TEX10: variants seen among roughly 807,000 people sequenced by gnomAD.
TEX10 encodes the protein testis-expressed protein 10.
In TEX10, 24 loss-of-function variants were observed where a neutral mutation model predicts 104.4. The ratio of observed to expected loss-of-function variants is 0.23; its 90% CI spans 0.17 to 0.32. The LOEUF (loss-of-function observed/expected upper bound fraction) is 0.32, where lower values mean the gene tolerates loss of function less well. TEX10 is among the 10% of genes least tolerant of loss of function. TEX10 has a pLI of 1.00. For missense variants in TEX10, 921 were observed against 1,083.9 expected (o/e 0.85, Z 2.11); for synonymous variants, 396 against 393.4 (o/e 1.01, Z -0.08).
Position 100,316,894 on chromosome 9 carries a change from T to TAAAA in TEX10, c.2202+3367_2202+3370dup, listed in dbSNP as rs35651841. 4.9e-4 allele frequency among the ~76,000 whole-genome samples: 26 copies of TAAAA among 53,420 alleles called. 1 individual carries two copies. The highest frequency in any genetic ancestry group is 1.1e-3 in the African/African-American group (14 of 12,682). 35.0% of individuals were successfully genotyped at this position (53,420 alleles called of 152,430 possible). A position where few individuals can be genotyped will look rare whatever the true frequency, so the allele number is the denominator to read the frequency against. ...AGAAGGCAATCCCACTTATAATAGC[T>TAAAA]AAAAAAAAAAAAAAAAAAAAAACCT... On this transcript the variant is annotated intron_variant, in intron 11 of 14. Transcript: ENST00000374902.
intron 9 of TEX10, among the ~76,000 whole-genome samples, chr9:100,324,184 C>T (rs1042471338): frequency 5.9e-5 from 9 of 152,140 alleles, no homozygotes; most frequent in Admixed American, 2.0e-4. Context: ...ATGCATGAGC[C>T]GCCATGCCCA....
At chr9:100,313,239 G>C (rs1834323431) in intron 11 of TEX10, among the ~76,000 whole-genome samples, 1 of 152,206 alleles carries the variant, frequency 6.6e-6, no homozygotes. Flanking sequence ...TAGTGGCCGG[G>C]CATGGTGGCT....
At position 100,346,573 on chromosome 9, in the gene TEX10, T is replaced by C. The variant is rs1835303725; in HGVS notation, c.893+121A>G. On this transcript the variant is annotated intron_variant, in intron 3 of 14. Transcript: ENST00000374902. Reference sequence around the variant, plus strand: ...CCCATCAGTAAATAAAATCAAATCATGAGTAACTATATGAAAACTATGAAA... The same window carrying C: ...CCCATCAGTAAATAAAATCAAATCACGAGTAACTATATGAAAACTATGAAA... 2.7e-6 allele frequency: 3 copies of C among 1,123,070 alleles called. No individual in the cohort carries two copies. In the East Asian group the frequency reaches 7.1e-5, roughly 27 times the overall value. 69.6% of individuals were successfully genotyped at this position (1,123,070 alleles called of 1,614,324 possible).
intron 5 of TEX10, among the ~76,000 whole-genome samples, chr9:100,334,647 T>C (rs368973249): frequency 6.7e-6 from 1 of 149,622 alleles, no homozygotes; most frequent in Non-Finnish European, 1.5e-5. Flanking sequence ...TTCCTGGAAC[T>C]GATAGGCTCA....
chr9:100,342,635 C>T (rs575877413), intron 4 of TEX10, among the ~76,000 whole-genome samples: 1 of 152,214 alleles, frequency 6.6e-6, no homozygotes, highest in Admixed American at 6.5e-5. Flanking sequence ...TAAAGTATGA[C>T]TGCATTAGTG....
At chr9:100,346,000 C>T in intron 4 of TEX10, 72 bp downstream of exon 4, 1 of 1,500,786 alleles carries the variant, frequency 6.7e-7, no homozygotes, top group East Asian at 2.3e-5. Flanking sequence ...TAGTAATGAG[C>T]TGATTTCGAA....
At chr9:100,321,068 G>A (rs1378695837) in intron 10 of TEX10, among the ~76,000 whole-genome samples, 2 of 152,168 alleles carry the variant, frequency 1.3e-5, no homozygotes, top group Non-Finnish European at 2.9e-5. Context: ...TGATAGCCAT[G>A]TCATAGTACT....
intron 5 of TEX10, among the ~76,000 whole-genome samples, chr9:100,335,599 G>A (rs1232407900): frequency 6.6e-6 from 1 of 151,934 alleles, no homozygotes; most frequent in East Asian, 1.9e-4. Context: ...AGTGTATGGT[G>A]GTAAAGAATA....
At chr9:100,316,526 A>G (rs1834421997) in intron 11 of TEX10, among the ~76,000 whole-genome samples, 1 of 152,210 alleles carries the variant, frequency 6.6e-6, no homozygotes, top group Admixed American at 6.5e-5. Flanking sequence ...CGTCCTAGCC[A>G]GAGCAATCAG....
intron 2 of TEX10, among the ~76,000 whole-genome samples, chr9:100,348,120 C>T (rs929747472): frequency 6.6e-6 from 1 of 152,208 alleles, no homozygotes; most frequent in Non-Finnish European, 1.5e-5. Context: ...AAGCTACATA[C>T]AACCTGGAGG....
intron 6 of TEX10, among the ~76,000 whole-genome samples, chr9:100,329,542 T>C (rs1162158976): frequency 6.6e-6 from 1 of 152,082 alleles, no homozygotes; most frequent in African/African-American, 2.4e-5. Context: ...GGGAACCAAA[T>C]AGGAAAACTT....
rs199510334 is a variant in TEX10 at position 100,347,450 on chromosome 9, G to A, written c.181-44C>T. Reference sequence around the variant, plus strand: ...ATTTTAGATGTATACTTATATACATGTATCAATTTCACGTAAACATGCTAA... The same window carrying A: ...ATTTTAGATGTATACTTATATACATATATCAATTTCACGTAAACATGCTAA... On this transcript the variant is annotated intron_variant, in intron 2 of 14. Coordinates refer to ENST00000374902, the MANE Select transcript of TEX10 (RefSeq NM_017746.4). 92 of 1,403,024 alleles carry A rather than the reference G, an allele frequency of 6.6e-5. No individual in the cohort carries two copies. In the East Asian group the frequency reaches 1.8e-3, roughly 27 times the overall value. The allele number at this position is 1,403,024 out of a possible 1,614,324, so 86.9% of individuals were successfully genotyped here.
At chr9:100,333,423 AT>A (rs1834921422) in intron 5 of TEX10, among the ~76,000 whole-genome samples, 1 of 152,186 alleles carries the variant, frequency 6.6e-6, no homozygotes, top group Non-Finnish European at 1.5e-5. Context: ...TCCAAATCAA[AT>A]TTCTAGCAAG....
At chr9:100,345,962 C>G (rs772387840) in intron 4 of TEX10, 110 bp downstream of exon 4, 233 of 1,281,024 alleles carry the variant, frequency 1.8e-4, no homozygotes, top group Non-Finnish European at 2.4e-4. Flanking sequence ...ACCCAGGGTA[C>G]TTTTCAGAAA....
rs528872798 is a variant in TEX10, at chr9:100,336,993, C to T, written c.1250+3264G>A. Among the ~76,000 whole-genome samples the T allele has an allele frequency of 8.1e-4, 124 of 152,258 alleles. 1 individual carries two copies. The highest frequency in any genetic ancestry group is 2.9e-3 in the African/African-American group (120 of 41,548). On this transcript the variant is annotated intron_variant, in intron 5 of 14. Coordinates refer to ENST00000374902, the MANE Select transcript of TEX10 (RefSeq NM_017746.4). Reference sequence around the variant, plus strand: ...CCTCCTCATAAAGTTAATTCCTTTTCTTTTTTCCCATTTATATCTCAGCAC... The same window carrying T: ...CCTCCTCATAAAGTTAATTCCTTTTTTTTTTTCCCATTTATATCTCAGCAC...
rs1834248305 is a variant in TEX10 at position 100,310,461 on chromosome 9, CAG to C, written c.2203-84_2203-83del. On this transcript the variant is annotated intron_variant, in intron 11 of 14. Coordinates refer to ENST00000374902, the MANE Select transcript of TEX10 (RefSeq NM_017746.4). ...GTTCAACAGATTCTTTTTTTTGAGA[CAG>C]AGTTTCACTCTGTCGCCCAGGCTGG... is the stretch of plus-strand genomic sequence containing the variant. The C allele has an allele frequency of 5.4e-6, 7 of 1,288,144 alleles. No individual in the cohort carries two copies. In the African/African-American group the frequency reaches 5.9e-5, roughly 11 times the overall value. The allele number at this position is 1,288,144 out of a possible 1,614,324, so 79.8% of individuals were successfully genotyped here.
chr9:100,332,616 T>A (rs1174212693), intron 5 of TEX10, among the ~76,000 whole-genome samples: 2 of 151,878 alleles, frequency 1.3e-5, no homozygotes, highest in Non-Finnish European at 2.9e-5. Context: ...GGTCAGGAGA[T>A]CGAGACCATC....
intron 5 of TEX10, among the ~76,000 whole-genome samples, chr9:100,335,254 G>A (rs1233033724): frequency 6.6e-6 from 1 of 152,126 alleles, no homozygotes; most frequent in Non-Finnish European, 1.5e-5. Context: ...CCAGGCTGGA[G>A]TGCAGTGGTG....
intron 11 of TEX10, among the ~76,000 whole-genome samples, chr9:100,314,612 A>G (rs1373380519): frequency 3.3e-5 from 5 of 151,950 alleles, no homozygotes; most frequent in African/African-American, 1.2e-4. Context: ...GATCTTCACT[A>G]TTCTTCCTTA....
Sources: gnomAD v4.1 joint callset for allele counts (sites outside exome capture counted in the v4.1 genomes callset) on GRCh38, gnomAD v4.1.1 for gene constraint, MANE v1.5 for transcripts, NCBI Gene and HGNC (gene_info 2026-07-23, HGNC 2026-07-21) for gene names.